The following TLL1 variants were observed in gnomAD, a reference collection of about 807,000 sequenced individuals.
The protein encoded by TLL1 is tolloid-like protein 1.
TLL1 carries 49 observed loss-of-function variants against 128.2 expected under a neutral mutation model. That is an observed-to-expected ratio of 0.38 (90% CI 0.30 to 0.48). TLL1 has a LOEUF of 0.48. Ranked by LOEUF, TLL1 falls within the 20% of genes least tolerant of loss-of-function variation. The probability of loss-of-function intolerance (pLI) is 0.96; values close to 1 mark genes in which losing one functional copy is unlikely to be tolerated. For missense variants in TLL1, 1,123 were observed against 1,242.0 expected (o/e 0.90, Z 1.44); for synonymous variants, 454 against 418.8 (o/e 1.08, Z -1.03).
intron 1 of TLL1, among the ~76,000 whole-genome samples, chr4:165,924,423 A>G (rs78475091): frequency 0.016 from 2,485 of 152,294 alleles, 69 homozygotes; most frequent in African/African-American, 0.056. Context: ...AGATCAGTCA[A>G]CCACAACATT....
At chr4:166,071,629 C>T (rs1740808880) in intron 16 of TLL1, among the ~76,000 whole-genome samples, 1 of 151,956 alleles carries the variant, frequency 6.6e-6, no homozygotes, top group Non-Finnish European at 1.5e-5. Context: ...GTCTCTCCTT[C>T]TCCCTTTTCT....
chr4:166,062,478 C>T (rs1179991467), intron 15 of TLL1, among the ~76,000 whole-genome samples: 10 of 152,094 alleles, frequency 6.6e-5, no homozygotes, highest in Non-Finnish European at 1.5e-4. Flanking sequence ...CTCTTTGAAG[C>T]AATTGTGAAT....
Position 166,067,681 on chromosome 4 carries a change from A to G in TLL1, c.2188+1818A>G, listed in dbSNP as rs147459732. 3.3e-5 allele frequency among the ~76,000 whole-genome samples: 5 copies of G among 151,928 alleles called. No homozygotes were observed. The East Asian group carries it at 9.7e-4, about 29-fold the overall frequency. ...ATTTATCAGTGCACTTAAAATATAT[A>G]TATATGAATCAATTAACATGACAAT... On this transcript the variant is annotated intron_variant, in intron 16 of 20. Coordinates refer to ENST00000061240, the MANE Select transcript of TLL1 (RefSeq NM_012464.5).
At chr4:165,964,797 C>T (rs1006436239) in intron 1 of TLL1, among the ~76,000 whole-genome samples, 2 of 152,116 alleles carry the variant, frequency 1.3e-5, no homozygotes, top group East Asian at 1.9e-4. Flanking sequence ...ATTAGCTGGG[C>T]ATGGTGGTGC....
At chr4:165,886,010 G>A (rs1409438014) in intron 1 of TLL1, among the ~76,000 whole-genome samples, 1 of 151,744 alleles carries the variant, frequency 6.6e-6, no homozygotes, top group African/African-American at 2.4e-5. Context: ...TTCTTAAAGT[G>A]TCTAGTAAGG....
intron 9 of TLL1, chr4:166,030,997 A>G (rs968990920): frequency 1.1e-6 from 1 of 950,694 alleles, no homozygotes; most frequent in East Asian, 1.2e-4. Context: ...GATTTTGCAC[A>G]TTAAAGTTAT....
chr4:165,917,653 A>C (rs1341465987), intron 1 of TLL1, among the ~76,000 whole-genome samples: 1 of 152,124 alleles, frequency 6.6e-6, no homozygotes, highest in East Asian at 1.9e-4. Context: ...CAGGATTTAC[A>C]TCTTGCCTGT....
At chr4:165,974,434 C>G (rs1280879213) in intron 1 of TLL1, among the ~76,000 whole-genome samples, 3 of 131,044 alleles carry the variant, frequency 2.3e-5, no homozygotes, top group Admixed American at 2.1e-4. Flanking sequence ...GCCACCGCGC[C>G]TGGCCTCATC....
Position 166,101,684 on chromosome 4 carries a change from T to C in TLL1, c.*808T>C, listed in dbSNP as rs1000646858. 2 of 152,484 alleles carry C rather than the reference T, an allele frequency of 1.3e-5. No individual in the cohort carries two copies. The highest frequency in any genetic ancestry group is 2.9e-5 in the Non-Finnish European group (2 of 67,988). 9.4% of individuals were successfully genotyped at this position (152,484 alleles called of 1,614,324 possible). A position where few individuals can be genotyped will look rare whatever the true frequency, so the allele number is the denominator to read the frequency against. ...AGCCTGTGATGTCTTATGAACCTTA[T>C]GAGAAAACTCCGAAGAGGTGTGAGC... On this transcript the variant is annotated 3_prime_UTR_variant, in exon 21 of 21. Coordinates refer to ENST00000061240, the MANE Select transcript of TLL1 (RefSeq NM_012464.5).
chr4:165,932,224 C>A (rs1160741971), intron 1 of TLL1, among the ~76,000 whole-genome samples: 6 of 152,058 alleles, frequency 3.9e-5, no homozygotes, highest in Non-Finnish European at 8.8e-5. Flanking sequence ...TTTTATGAAC[C>A]CAAGCACTGC....
intron 1 of TLL1, among the ~76,000 whole-genome samples, chr4:165,955,377 G>C (rs1010697171): frequency 7.2e-5 from 11 of 152,010 alleles, no homozygotes; most frequent in African/African-American, 2.2e-4. Context: ...TTGACAATAT[G>C]GTCCATGAAA....
intron 20 of TLL1, 52 bp downstream of exon 20, chr4:166,099,579 AT>A (rs757282112): frequency 1.3e-6 from 2 of 1,579,678 alleles, no homozygotes; most frequent in African/African-American, 2.7e-5. Flanking sequence ...ATGCCTATTG[AT>A]TCATGATTGA....
At chr4:166,027,322 A>G (rs1738547575) in intron 9 of TLL1, among the ~76,000 whole-genome samples, 1 of 152,098 alleles carries the variant, frequency 6.6e-6, no homozygotes, top group South Asian at 2.1e-4. Context: ...ATTTACCTGG[A>G]AGAACTTAAG....
intron 1 of TLL1, among the ~76,000 whole-genome samples, chr4:165,964,677 T>C (rs775135732): frequency 2.0e-5 from 3 of 152,108 alleles, no homozygotes; most frequent in Non-Finnish European, 4.4e-5. Context: ...AATCCCAGCA[T>C]GTTTAGTGGC....
At chr4:166,069,512 G>A (rs1211804922) in intron 16 of TLL1, among the ~76,000 whole-genome samples, 1 of 151,644 alleles carries the variant, frequency 6.6e-6, no homozygotes, top group Non-Finnish European at 1.5e-5. Context: ...TTTCAGTTAA[G>A]TGATACATCA....
At chr4:166,026,318 A>G (rs1738488004) in intron 9 of TLL1, among the ~76,000 whole-genome samples, 1 of 152,072 alleles carries the variant, frequency 6.6e-6, no homozygotes, top group Non-Finnish European at 1.5e-5. Context: ...GAACCCGGAC[A>G]GGGAGAGTGC....
In TLL1 at chr4:166,043,219, A is replaced by G. The variant is rs78235196; in HGVS notation, c.1379-55A>G. 3,569 of 1,612,400 alleles carry G rather than the reference A, an allele frequency of 2.2e-3. 77 individuals are homozygous for G. The African/African-American group carries it at 0.042, about 19-fold the overall frequency. On this transcript the variant is annotated intron_variant, in intron 11 of 20. Coordinates refer to ENST00000061240, the MANE Select transcript of TLL1 (RefSeq NM_012464.5). ...TCAATGTTACCCTAGAAGAAAATGA[A>G]AATGAAATAGCATGTCCAGGCTTAG... is the stretch of plus-strand genomic sequence containing the variant.
intron 17 of TLL1, among the ~76,000 whole-genome samples, chr4:166,077,243 AC>A (rs934499576): frequency 1.4e-5 from 2 of 145,714 alleles, no homozygotes; most frequent in Non-Finnish European, 3.0e-5. Context: ...AAAAAAAAAA[AC>A]CCTTAAGTAA....
intron 9 of TLL1, among the ~76,000 whole-genome samples, chr4:166,037,811 A>G (rs1739068174): frequency 6.6e-6 from 1 of 152,016 alleles, no homozygotes; most frequent in East Asian, 1.9e-4. Flanking sequence ...TCTGTCTCCA[A>G]TTAAAAAAAA....
Sources: allele counts gnomAD v4.1 joint callset (sites outside exome capture counted in the v4.1 genomes callset), GRCh38; gene constraint gnomAD v4.1.1; transcripts MANE v1.5; gene names NCBI Gene and HGNC (gene_info 2026-07-23, HGNC 2026-07-21).